The following UBA6 variants were observed in gnomAD, a reference collection of about 807,000 sequenced individuals.
UBA6 encodes the protein ubiquitin like modifier activating enzyme 6.
Under a neutral mutation model 148.3 loss-of-function variants are expected in UBA6, and 87 were observed. The observed-to-expected ratio is 0.59, with a 90% CI of 0.49 to 0.70. The LOEUF is 0.70. Among genes scored for constraint, UBA6 ranks in the 30% least tolerant of loss-of-function variants. The pLI is 0.00. For synonymous variants in UBA6, 376 were observed against 401.0 expected (o/e 0.94, Z 0.75); for missense variants, 1,186 against 1,241.2 (o/e 0.96, Z 0.67).
intron 13 of UBA6, among the ~76,000 whole-genome samples, chr4:67,650,516 T>C (rs1729528693): frequency 6.6e-6 from 1 of 151,972 alleles, no homozygotes. Flanking sequence ...CCAAATAATC[T>C]CCAAAACATA....
At chr4:67,697,033 TCTCA>T (rs1373629188) in intron 1 of UBA6, among the ~76,000 whole-genome samples, 2 of 152,042 alleles carry the variant, frequency 1.3e-5, no homozygotes, top group African/African-American at 4.8e-5. Flanking sequence ...GAGATGGGAG[TCTCA>T]CTCTGTTACC....
At chr4:67,629,865 T>C (rs369934602) in intron 26 of UBA6, among the ~76,000 whole-genome samples, 2 of 152,214 alleles carry the variant, frequency 1.3e-5, no homozygotes, top group South Asian at 2.1e-4. Context: ...ATCTGATTCA[T>C]GTTTCTCTAT....
At chr4:67,643,264 T>C (rs147297850) in intron 17 of UBA6, among the ~76,000 whole-genome samples, 1,917 of 152,054 alleles carry the variant, frequency 0.013, 42 homozygotes, top group African/African-American at 0.042. Flanking sequence ...TCTATAATTC[T>C]TAGGAGACTA....
intron 19 of UBA6, among the ~76,000 whole-genome samples, chr4:67,636,842 C>T (rs568754728): frequency 2.6e-5 from 4 of 152,106 alleles, no homozygotes; most frequent in Admixed American, 2.6e-4. Flanking sequence ...AGCGTCTCTG[C>T]CTGGCCGCCC....
In UBA6 at chr4:67,624,269, T is replaced by C. The variant is rs1210541810; in HGVS notation, c.2713-16A>G. ...CCAAGGCAACCTAGATAAAAGAAGGTGATCTGATAATATAAACAGCCTAAA... is the reference window on the plus strand; with the variant it reads ...CCAAGGCAACCTAGATAAAAGAAGGCGATCTGATAATATAAACAGCCTAAA... On this transcript the variant is annotated splice_polypyrimidine_tract_variant and intron_variant, in intron 29 of 32. Coordinates refer to ENST00000322244, the MANE Select transcript of UBA6 (RefSeq NM_018227.6). The C allele has an allele frequency of 6.3e-7, 1 of 1,587,344 alleles. No homozygotes were observed. The highest frequency in any genetic ancestry group is 1.4e-5 in the African/African-American group (1 of 73,242).
chr4:67,624,333 G>T, intron 29 of UBA6, 80 bp from the exon 30 acceptor site: 1 of 1,347,762 alleles, frequency 7.4e-7, no homozygotes, highest in Non-Finnish European at 1.0e-6. Flanking sequence ...CAACTTTCAC[G>T]TTTTCAAGCA....
intron 19 of UBA6, 38 bp from the exon 20 acceptor site, chr4:67,635,596 A>G: frequency 7.7e-7 from 1 of 1,296,876 alleles, no homozygotes; most frequent in Non-Finnish European, 1.1e-6. Context: ...CAAAAAAGTG[A>G]GCAATAACAA....
intron 19 of UBA6, 152 bp from the exon 20 acceptor site, chr4:67,635,710 G>A: frequency 2.2e-6 from 1 of 462,628 alleles, no homozygotes. Context: ...ATCAAACAGT[G>A]GATCATTCCT....
intron 17 of UBA6, among the ~76,000 whole-genome samples, chr4:67,643,520 G>A (rs911099837): frequency 6.6e-6 from 1 of 151,886 alleles, no homozygotes; most frequent in Admixed American, 6.6e-5. Flanking sequence ...ACCCTGGTGT[G>A]GTACATGCTC....
chr4:67,645,905 G>A, intron 16 of UBA6, 33 bp downstream of exon 16: 1 of 1,358,436 alleles, frequency 7.4e-7, no homozygotes, highest in Non-Finnish European at 1.0e-6. Context: ...ATAGCAGTTT[G>A]AACATACTAT....
intron 23 of UBA6, among the ~76,000 whole-genome samples, chr4:67,632,537 T>C (rs931413563): frequency 2.0e-5 from 3 of 152,228 alleles, no homozygotes; most frequent in African/African-American, 7.2e-5. Context: ...AAGAGTTCCT[T>C]AGATTTTTGA....
chr4:67,693,730 A>G (rs1443748152), intron 2 of UBA6, among the ~76,000 whole-genome samples: 2 of 152,166 alleles, frequency 1.3e-5, no homozygotes, highest in Non-Finnish European at 1.5e-5. Flanking sequence ...AAGAGAACGG[A>G]GAGAAAAGAG....
rs769535515 is a variant in UBA6, at chr4:67,665,157, AAT to A, written c.897+30_897+31del. Reference sequence around the variant, plus strand: ...TTCTGCCTTTCTTTTTCTGTAAAAAAATGTTTTTTAAGCCGAAAAAAAAATAC... The same window carrying A: ...TTCTGCCTTTCTTTTTCTGTAAAAAAGTTTTTTAAGCCGAAAAAAAAATAC... On this transcript the variant is annotated intron_variant, in intron 10 of 32. Coordinates refer to ENST00000322244, the MANE Select transcript of UBA6 (RefSeq NM_018227.6). 2.9e-6 allele frequency: 4 copies of A among 1,381,110 alleles called. No homozygotes were observed. The East Asian group carries it at 9.4e-5, about 33-fold the overall frequency. 85.6% of individuals were successfully genotyped at this position (1,381,110 alleles called of 1,614,324 possible).
Position 67,618,802 on chromosome 4 carries a change from C to A in UBA6, c.*195G>T, listed in dbSNP as rs79899235. 2.2e-3 allele frequency: 1,095 copies of A among 497,116 alleles called. 22 individuals carry two copies. The East Asian group carries it at 0.036, about 16-fold the overall frequency. 30.8% of individuals were successfully genotyped at this position (497,116 alleles called of 1,614,324 possible). On this transcript the variant is annotated 3_prime_UTR_variant, in exon 33 of 33. Coordinates refer to ENST00000322244, the MANE Select transcript of UBA6 (RefSeq NM_018227.6). ...CTTGTGATCATAGCCACGTGTGAAC[C>A]GTTAGACAAGTGTATGCTATGCCCC...
chr4:67,634,092 G>T, intron 22 of UBA6, 150 bp downstream of exon 22: 1 of 538,950 alleles, frequency 1.9e-6, no homozygotes, highest in Non-Finnish European at 3.2e-6. Context: ...GATAATTTGT[G>T]ACCTAATTTC....
chr4:67,627,937 CTTTT>C (rs34031669), intron 27 of UBA6, among the ~76,000 whole-genome samples: 1 of 135,194 alleles, frequency 7.4e-6, no homozygotes. Flanking sequence ...CTCCCTATTG[CTTTT>C]TTTTTTTTTT....
chr4:67,661,422 C>G (rs1729853737), intron 13 of UBA6, among the ~76,000 whole-genome samples: 1 of 152,096 alleles, frequency 6.6e-6, no homozygotes, highest in Admixed American at 6.6e-5. Context: ...TGGCAGTTCC[C>G]CTGCTTGTAC....
intron 13 of UBA6, among the ~76,000 whole-genome samples, chr4:67,658,878 G>A (rs1729770754): frequency 2.6e-5 from 4 of 152,166 alleles, no homozygotes; most frequent in Admixed American, 2.6e-4. Flanking sequence ...AAAAAGGCCT[G>A]AGGGAACTTT....
At chr4:67,698,110 G>C (rs1460611876) in intron 1 of UBA6, among the ~76,000 whole-genome samples, 3 of 152,158 alleles carry the variant, frequency 2.0e-5, no homozygotes, top group Non-Finnish European at 4.4e-5. Context: ...TATTTCTTCT[G>C]CTTAGAATGT....
Sources: gnomAD v4.1 joint callset for allele counts (sites outside exome capture counted in the v4.1 genomes callset) on GRCh38, gnomAD v4.1.1 for gene constraint, MANE v1.5 for transcripts, NCBI Gene and HGNC (gene_info 2026-07-23, HGNC 2026-07-21) for gene names.